Variants in ZNF253 observed in about 807,000 individuals in gnomAD.
ZNF253 encodes the protein zinc finger protein 253.
Under a neutral mutation model 11.9 loss-of-function variants are expected in ZNF253, and 8 were observed. The observed-to-expected ratio is 0.67, with a 90% CI of 0.40 to 1.22. The LOEUF (loss-of-function observed/expected upper bound fraction) is 1.22, where lower values mean the gene tolerates loss of function less well. Among genes scored for constraint, ZNF253 ranks in the 50% most tolerant of loss-of-function variants. The pLI, the probability that ZNF253 is intolerant of heterozygous loss-of-function variation, is 0.01. For missense variants in ZNF253, 485 were observed against 586.9 expected, an observed-to-expected ratio of 0.83 and a Z score of 1.79; for synonymous variants, 194 against 194.9, an observed-to-expected ratio of 1.00 and a Z score of 0.04.
rs761428407 is a variant in ZNF253 at position 19,880,870 on chromosome 19, A to AT, written c.226+732dup. Among the ~76,000 whole-genome samples, 71 of 151,680 alleles carry AT rather than the reference A, an allele frequency of 4.7e-4. 1 individual carries two copies. Among genetic ancestry groups the AT allele is most frequent in the Admixed American group, 2.0e-3 (30 of 15,202 alleles). ...GCGTGAGAGTATTAGTTTATCTTGCATTTTTTTTGTTTATTTTTCTGCACA... is the reference window on the plus strand; with the variant it reads ...GCGTGAGAGTATTAGTTTATCTTGCATTTTTTTTTGTTTATTTTTCTGCACA... On this transcript the variant is annotated intron_variant, in intron 3 of 3. Coordinates refer to ENST00000589717, the MANE Select transcript of ZNF253 (RefSeq NM_021047.3).
At chr19:19,880,266 G>T in intron 3 of ZNF253, 120 bp downstream of exon 3, 2 of 626,468 alleles carry the variant, frequency 3.2e-6, no homozygotes, top group East Asian at 3.8e-5. Context: ...ATAGGTCCTG[G>T]GCAGCTGTTT....
In ZNF253 at chr19:19,892,100, A is replaced by C. The variant is rs187512338; in HGVS notation, c.853A>C (p.Lys285Gln). ...AGTTCATACTGGAGAGAAACCCTAC[A>C]AATGTGAAGAATGTGGCAAAGCCTT... ...KIVHTGEKPYKCEECGKAFKH... is the reference protein window; with the variant it reads ...KIVHTGEKPYQCEECGKAFKH... The change falls in exon 4 of 4, where the codon AAA becomes CAA. Residue 285 changes from lysine (K) to glutamine (Q), a missense_variant. Lys to Gln is a moderately conservative substitution (Grantham distance 53). This residue lies in a region of ZNF253 where 232 missense variants were observed against 321.4 expected (regional missense o/e 0.72). Coordinates refer to ENST00000589717, the MANE Select transcript of ZNF253 (RefSeq NM_021047.3). 1.5e-4 allele frequency: 236 copies of C among 1,614,102 alleles called. 2 individuals carry two copies. In the Middle Eastern group the frequency reaches 3.8e-3, roughly 26 times the overall value.
At chr19:19,885,414 GGA>G (rs2063202640) in intron 3 of ZNF253, among the ~76,000 whole-genome samples, 1 of 137,236 alleles carries the variant, frequency 7.3e-6, no homozygotes, top group African/African-American at 2.8e-5. Flanking sequence ...TTTCTTAGAT[GGA>G]GTCTTGCTCT....
At chr19:19,870,039 ATTG>A (rs1392734765) in intron 1 of ZNF253, among the ~76,000 whole-genome samples, 2 of 152,084 alleles carry the variant, frequency 1.3e-5, no homozygotes, top group Non-Finnish European at 2.9e-5. Flanking sequence ...TTATTTTAAT[ATTG>A]TTATTTATAC....
intron 1 of ZNF253, among the ~76,000 whole-genome samples, chr19:19,868,269 T>C (rs562872783): frequency 6.6e-6 from 1 of 152,232 alleles, no homozygotes; most frequent in African/African-American, 2.4e-5. Flanking sequence ...TGTTTGCCAG[T>C]TTCTGTGTCT....
At chr19:19,869,524 G>A (rs1333022229) in intron 1 of ZNF253, among the ~76,000 whole-genome samples, 2 of 151,850 alleles carry the variant, frequency 1.3e-5, no homozygotes, top group African/African-American at 4.8e-5. Flanking sequence ...ACCAGGCCCA[G>A]CTCATTTTGT....
At chr19:19,887,245 G>C (rs1445815501) in intron 3 of ZNF253, among the ~76,000 whole-genome samples, 2 of 151,304 alleles carry the variant, frequency 1.3e-5, no homozygotes, top group African/African-American at 4.9e-5. Flanking sequence ...CGTACTGTAT[G>C]CTTTTTAAAA....
chr19:19,871,922 A>C (rs10421447), intron 1 of ZNF253, among the ~76,000 whole-genome samples: 23,406 of 152,110 alleles, frequency 0.15, 4,109 homozygotes, highest in African/African-American at 0.43. Context: ...TGCCATCCAA[A>C]ATTTACTCTA....
intron 1 of ZNF253, among the ~76,000 whole-genome samples, chr19:19,876,181 G>T (rs904456788): frequency 6.6e-6 from 1 of 152,210 alleles, no homozygotes; most frequent in Non-Finnish European, 1.5e-5. Context: ...AGCCCAGGGG[G>T]AGCAACATCA....
intron 1 of ZNF253, chr19:19,871,426 G>C (rs1260155826): frequency 6.6e-6 from 1 of 152,218 alleles, no homozygotes; most frequent in Admixed American, 6.5e-5. Flanking sequence ...AAGCAAGCAG[G>C]AGTGCTGTAG....
intron 3 of ZNF253, among the ~76,000 whole-genome samples, chr19:19,886,922 G>A (rs2063208611): frequency 6.6e-6 from 1 of 151,784 alleles, no homozygotes; most frequent in East Asian, 1.9e-4. Flanking sequence ...CAATTATTAT[G>A]TTGCCATGTA....
At chr19:19,884,103 G>A (rs1599555774) in intron 3 of ZNF253, among the ~76,000 whole-genome samples, 1 of 150,176 alleles carries the variant, frequency 6.7e-6, no homozygotes, top group Admixed American at 6.6e-5. Flanking sequence ...GAATCATATA[G>A]TATCCATAAT....
chr19:19,866,568 G>A (rs1263651871), intron 1 of ZNF253, among the ~76,000 whole-genome samples: 1 of 150,004 alleles, frequency 6.7e-6, no homozygotes, highest in South Asian at 2.1e-4. Context: ...GCGCGATCTC[G>A]GCTCACTGCA....
chr19:19,892,901 T>A lies in ZNF253; in HGVS notation c.*154T>A. The A allele has an allele frequency of 1.4e-6, 1 of 700,884 alleles. No individual in the cohort carries two copies. The highest frequency in any genetic ancestry group is 2.3e-6 in the Non-Finnish European group (1 of 427,800). The allele number at this position is 700,884 out of a possible 1,614,324, so 43.4% of individuals were successfully genotyped here. On this transcript the variant is annotated 3_prime_UTR_variant, in exon 4 of 4. Transcript: ENST00000589717. ...TTTTTAAGGAAGTTCTCAACCCTTA[T>A]TACACATAATTCATACCAAACAGAA... is the stretch of plus-strand genomic sequence containing the variant.
intron 1 of ZNF253, among the ~76,000 whole-genome samples, chr19:19,867,194 A>C (rs2063115186): frequency 1.3e-5 from 2 of 152,276 alleles, no homozygotes; most frequent in Admixed American, 1.3e-4. Context: ...TACAAAAATT[A>C]GCTGGGTGTG....
chr19:19,889,366 A>G (rs2063219616), intron 3 of ZNF253, among the ~76,000 whole-genome samples: 2 of 151,840 alleles, frequency 1.3e-5, no homozygotes, highest in South Asian at 4.2e-4. Context: ...TTATTTTCTG[A>G]GACAGAGTCT....
chr19:19,887,263 A>T (rs1022604045), intron 3 of ZNF253, among the ~76,000 whole-genome samples: 7 of 151,568 alleles, frequency 4.6e-5, no homozygotes, highest in African/African-American at 1.7e-4. Flanking sequence ...AAAACCACTC[A>T]GGCATTCTAT....
At chr19:19,872,689 TC>T (rs1235702316) in intron 1 of ZNF253, among the ~76,000 whole-genome samples, 3 of 151,430 alleles carry the variant, frequency 2.0e-5, no homozygotes, top group Non-Finnish European at 4.4e-5. Context: ...TTACCAATCC[TC>T]TTATAACTGC....
chr19:19,882,216 G>C (rs1182647577), intron 3 of ZNF253, among the ~76,000 whole-genome samples: 1 of 151,612 alleles, frequency 6.6e-6, no homozygotes, highest in East Asian at 1.9e-4. Flanking sequence ...AGAAGAAGAA[G>C]AAGCATTGAC....
Sources: allele counts gnomAD v4.1 joint callset (sites outside exome capture counted in the v4.1 genomes callset), GRCh38; gene constraint gnomAD v4.1.1; regional missense constraint gnomAD v4.1.1; transcripts MANE v1.5; gene names NCBI Gene and HGNC (gene_info 2026-07-23, HGNC 2026-07-21).